Variants in KIAA0753 observed in about 807,000 individuals in gnomAD.
KIAA0753 encodes the protein protein moonraker.
Under a neutral mutation model 116.9 loss-of-function variants are expected in KIAA0753, and 114 were observed. The observed-to-expected ratio is 0.98, with a 90% CI of 0.84 to 1.14. The LOEUF is 1.14. KIAA0753 is among the 50% of genes most tolerant of loss of function. The pLI is 0.00. For synonymous variants in KIAA0753, 405 were observed against 413.1 expected (o/e 0.98, Z 0.24); for missense variants, 1,156 against 1,172.4 (o/e 0.99, Z 0.20).
At chr17:6,579,999 A>G (rs927989280) in intron 18 of KIAA0753, 135 bp from the exon 19 acceptor site, 17 of 615,478 alleles carry the variant, frequency 2.8e-5, no homozygotes, top group South Asian at 7.0e-5. Context: ...CCTGGCCAAC[A>G]TGGTGAAACC....
chr17:6,618,506 G>A (rs1034471550), intron 7 of KIAA0753, among the ~76,000 whole-genome samples: 3 of 152,188 alleles, frequency 2.0e-5, no homozygotes, highest in East Asian at 1.9e-4. Context: ...CTAATTCCAG[G>A]GAGATAGTGT....
intron 16 of KIAA0753, among the ~76,000 whole-genome samples, chr17:6,591,055 A>AGAAGGAAGAAGGAAGAAGGAAGAAG (rs1567540693): frequency 1.6e-5 from 1 of 63,336 alleles, no homozygotes; most frequent in African/African-American, 7.6e-5. Context: ...AAGAAGAAGA[A>AGAAGGAAGAAGGAAGAAGGAAGAAG]GAAGAAGAAG....
At chr17:6,620,690 G>A (rs1198274604) in intron 7 of KIAA0753, 98 bp downstream of exon 7, 12 of 1,169,714 alleles carry the variant, frequency 1.0e-5, no homozygotes, top group Non-Finnish European at 1.5e-5. Flanking sequence ...TGTGGGCTAG[G>A]TCCTAAATCC....
intron 18 of KIAA0753, among the ~76,000 whole-genome samples, chr17:6,580,893 C>T (rs1968116577): frequency 9.5e-6 from 1 of 105,426 alleles, no homozygotes; most frequent in Non-Finnish European, 2.0e-5. Flanking sequence ...CACGGGTGCT[C>T]CTCTGTACAC....
chr17:6,592,996 C>T (rs993744591), intron 16 of KIAA0753, among the ~76,000 whole-genome samples: 2 of 151,896 alleles, frequency 1.3e-5, no homozygotes, highest in African/African-American at 4.8e-5. Flanking sequence ...AGTTGCACAA[C>T]TATGTGAATA....
intron 3 of KIAA0753, among the ~76,000 whole-genome samples, chr17:6,626,130 T>C (rs1971651524): frequency 6.6e-6 from 1 of 152,254 alleles, no homozygotes; most frequent in Non-Finnish European, 1.5e-5. Flanking sequence ...TGGTACTCTA[T>C]ATCTTGAAAA....
At chr17:6,581,821 C>G (rs372285070) in intron 18 of KIAA0753, among the ~76,000 whole-genome samples, 1 of 152,218 alleles carries the variant, frequency 6.6e-6, no homozygotes, top group African/African-American at 2.4e-5. Flanking sequence ...TGTGAACTCT[C>G]GACATGTCCC....
chr17:6,614,867 C>T (rs772870596), intron 7 of KIAA0753, among the ~76,000 whole-genome samples: 2 of 151,702 alleles, frequency 1.3e-5, no homozygotes, highest in Non-Finnish European at 2.9e-5. Flanking sequence ...AGTGTGATCT[C>T]GGCTCACTGC....
chr17:6,603,656 A>G (rs1171618820), intron 12 of KIAA0753, among the ~76,000 whole-genome samples: 1 of 152,224 alleles, frequency 6.6e-6, no homozygotes, highest in Non-Finnish European at 1.5e-5. Flanking sequence ...AGAATGACAG[A>G]GCAGTGAGTT....
chr17:6,628,449 G>C lies in KIAA0753; in HGVS notation c.386C>G (p.Ser129Cys). The C allele has an allele frequency of 6.2e-7, 1 of 1,614,164 alleles. No individual in the cohort carries two copies. The highest frequency in any genetic ancestry group is 8.5e-7 in the Non-Finnish European group (1 of 1,180,024). The change falls in exon 3 of 19, where the codon TCT (serine) becomes TGT (cysteine). Residue 129 changes from serine to cysteine, a missense_variant. Coordinates refer to ENST00000361413, the MANE Select transcript of KIAA0753 (RefSeq NM_014804.3). ...ATACTTAGTATGTCCACACTTCTGA[G>C]AGCTTTGAGGCTGACTTCTGAGATG... ...EHHLRSQPQS[S>C]QKCGHTKYKI...
intron 16 of KIAA0753, among the ~76,000 whole-genome samples, chr17:6,591,103 A>G (rs556219966): frequency 9.5e-5 from 14 of 147,798 alleles, no homozygotes; most frequent in African/African-American, 1.2e-4. Flanking sequence ...AAGAAGAAGA[A>G]GAAGAAAACA....
chr17:6,634,349 C>T (rs965514543), intron 2 of KIAA0753, among the ~76,000 whole-genome samples: 1 of 152,122 alleles, frequency 6.6e-6, no homozygotes, highest in Non-Finnish European at 1.5e-5. Flanking sequence ...GGTGATCCGC[C>T]CGCCTGGACC....
rs1445385596 is a variant in KIAA0753 at position 6,596,196 on chromosome 17, C to G, written c.2320G>C (p.Asp774His). 1.2e-6 allele frequency: 2 copies of G among 1,613,808 alleles called. No homozygotes were observed. The highest frequency in any genetic ancestry group is 1.1e-5 in the South Asian group (1 of 91,068). The change falls in exon 15 of 19, where the codon GAT (aspartate) becomes CAT (histidine). Residue 774 changes from aspartate (D) to histidine (H), a missense_variant. Physicochemically the swap from Asp to His is moderately conservative, Grantham distance 81 (BLOSUM62 -1). Transcript: ENST00000361413. ...ATVEDSKDSP[D>H]LEIMMRRMEE... ...ATTCGGCGCATCATGATCTCCAGAT[C>G]TGGGCTATCCTTGCTGTCCTCAACG...
Position 6,606,904 on chromosome 17 carries a change from C to T in KIAA0753, c.1978G>A (p.Ala660Thr), listed in dbSNP as rs1567558083. 1 of 1,614,092 alleles carries T rather than the reference C, an allele frequency of 6.2e-7. No homozygotes were observed. Among genetic ancestry groups the T allele is most frequent in the Non-Finnish European group, 8.5e-7 (1 of 1,179,980 alleles). ...TGTTGGAGTCTATACATTTCTTCAGCTTTGAGCTCATTCAGTTCCTTTGTT... is the reference window on the plus strand; with the variant it reads ...TGTTGGAGTCTATACATTTCTTCAGTTTTGAGCTCATTCAGTTCCTTTGTT... ...RRTKELNELK[A>T]EEMYRLQQLS... The change falls in exon 12 of 19, where the codon GCT becomes ACT. Residue 660 changes from alanine to threonine, a missense_variant. By Grantham distance (58) the Ala-to-Thr change is moderately conservative (BLOSUM62 0). Transcript: ENST00000361413.
At chr17:6,599,436 T>C (rs1043979948) in intron 13 of KIAA0753, 116 bp from the exon 14 acceptor site, 2 of 705,484 alleles carry the variant, frequency 2.8e-6, no homozygotes, top group African/African-American at 3.6e-5. Context: ...TTTAGCTACA[T>C]TAGGCTTTTT....
intron 14 of KIAA0753, among the ~76,000 whole-genome samples, chr17:6,598,192 C>G (rs1969608359): frequency 6.6e-6 from 1 of 152,046 alleles, no homozygotes; most frequent in South Asian, 2.1e-4. Flanking sequence ...GGAGTGGCCT[C>G]TCTGGGTTAA....
rs543798562 is a variant in KIAA0753 at position 6,623,214 on chromosome 17, G to A, written c.889-117C>T. The A allele has an allele frequency of 3.9e-5, 42 of 1,074,244 alleles. No homozygotes were observed. In the South Asian group the frequency reaches 6.6e-4, roughly 17 times the overall value. The allele number at this position is 1,074,244 out of a possible 1,614,324, so 66.5% of individuals were successfully genotyped here. A position where few individuals can be genotyped will look rare whatever the true frequency, so the allele number is the denominator to read the frequency against. On this transcript the variant is annotated intron_variant, in intron 5 of 18. Transcript: ENST00000361413. ...TTCTGTATAAAGTGCTTTCTATTGT[G>A]AAAACTTTTTCATAGTAAAGGGAGT...
rs754134918 is a variant in KIAA0753, at chr17:6,590,622, T to C, written c.2449A>G (p.Ile817Val). ...AGAGGCTTTTCACTTATTGCTGAGATTTTTTGGTCTAGAAAAGGAGGGTCA... is the reference window on the plus strand; with the variant it reads ...AGAGGCTTTTCACTTATTGCTGAGACTTTTTGGTCTAGAAAAGGAGGGTCA... ...WMQEENNDQK[I>V]SAISEKPLSP... Residue 817 changes from isoleucine to valine, a missense_variant, in exon 17 of 19, where the codon ATC (isoleucine) becomes GTC (valine). Transcript: ENST00000361413. The C allele has an allele frequency of 3.1e-6, 5 of 1,613,320 alleles. No homozygotes were observed. The highest frequency in any genetic ancestry group is 1.3e-5 in the African/African-American group (1 of 74,992).
At chr17:6,614,506 G>GT (rs886144175) in intron 7 of KIAA0753, among the ~76,000 whole-genome samples, 1 of 103,918 alleles carries the variant, frequency 9.6e-6, no homozygotes, top group Non-Finnish European at 2.1e-5. Flanking sequence ...ACAAGCATAA[G>GT]TGGGGGGGGG....
Sources: allele counts gnomAD v4.1 joint callset (sites outside exome capture counted in the v4.1 genomes callset), GRCh38; gene constraint gnomAD v4.1.1; transcripts MANE v1.5; gene names NCBI Gene and HGNC (gene_info 2026-07-23, HGNC 2026-07-21).